PEAK1: variants seen among roughly 807,000 people sequenced by gnomAD.
The protein encoded by PEAK1 is inactive tyrosine-protein kinase PEAK1.
In PEAK1, 54 loss-of-function variants were observed where a neutral mutation model predicts 124.7. The observed-to-expected ratio is 0.43, with a 90% CI of 0.35 to 0.54. PEAK1 has a LOEUF of 0.54. PEAK1 is among the 20% of genes least tolerant of loss of function. The pLI is 0.01. For synonymous variants in PEAK1, 719 were observed against 760.0 expected, an observed-to-expected ratio of 0.95 and a Z score of 0.89; for missense variants, 2,046 against 2,134.5, an observed-to-expected ratio of 0.96 and a Z score of 0.82.
intron 2 of PEAK1, among the ~76,000 whole-genome samples, chr15:77,325,835 GA>G (rs2065539292): frequency 6.6e-6 from 1 of 151,968 alleles, no homozygotes; most frequent in Non-Finnish European, 1.5e-5. Context: ...TCTTTGATAT[GA>G]ATTTAGGTCA....
rs148863119 is a variant in PEAK1 at position 77,154,243 on chromosome 15, C to T, written c.3331+4260G>A. On this transcript the variant is annotated intron_variant, in intron 8 of 9. Transcript: ENST00000682557. ...TGATCCCTTTACCATTATGTAATGG[C>T]CTTCTTTGTCTCTTTTAATCTTTGT... Among the ~76,000 whole-genome samples the T allele has an allele frequency of 9.5e-4, 144 of 152,290 alleles. 1 individual carries two copies. Among genetic ancestry groups the T allele is most frequent in the African/African-American group, 3.4e-3 (141 of 41,554 alleles).
chr15:77,114,428 A>T lies in PEAK1; in HGVS notation c.4969T>A (p.Ser1657Thr). The T allele has an allele frequency of 6.2e-7, 1 of 1,614,176 alleles. No homozygotes were observed. The highest frequency in any genetic ancestry group is 1.7e-5 in the Admixed American group (1 of 60,030). Residue 1657 changes from serine to threonine, a missense_variant, in exon 10 of 10, where the codon TCA (serine) becomes ACA (threonine). Coordinates refer to ENST00000682557, the MANE Select transcript of PEAK1 (RefSeq NM_001385026.1). ...CACTGGAGGATGCCTTTGGCGTCTG[A>T]AATGAGGATCCGCTCAGAAGGGTTG... ...NPNPSERILI[S>T]DAKGILQCLL... is the part of the protein sequence containing the mutation.
chr15:77,132,088 CT>C lies in PEAK1; in HGVS notation c.4077+916del, dbSNP rs145157241. The stretch of plus-strand genomic sequence containing the variant: ...AAAAGCAAAGCTCAAGGGTTACCTA[CT>C]TTTTTTTTTGAGACAGGGTCTCACT... On this transcript the variant is annotated intron_variant, in intron 9 of 9. Transcript: ENST00000682557. Among the ~76,000 whole-genome samples the C allele has an allele frequency of 2.6e-3, 381 of 148,704 alleles. 2 individuals carry two copies. Among genetic ancestry groups the C allele is most frequent in the African/African-American group, 8.3e-3 (340 of 40,780 alleles).
At chr15:77,207,420 AAACTTGAAGTAAGGAAAGTG>A (rs1175358335) in intron 6 of PEAK1, among the ~76,000 whole-genome samples, 2 of 152,232 alleles carry the variant, frequency 1.3e-5, no homozygotes, top group Non-Finnish European at 2.9e-5. Context: ...ATAATTGCTA[AAACTTGAAGTAAGGAAAGTG>A]AATGGACAAA....
chr15:77,330,465 A>G (rs192907054), intron 2 of PEAK1, among the ~76,000 whole-genome samples: 1 of 148,772 alleles, frequency 6.7e-6, no homozygotes, highest in East Asian at 2.0e-4. Context: ...CATCTCATCA[A>G]TGTGTGAGTC....
At chr15:77,311,072 T>C (rs2064409079) in intron 2 of PEAK1, among the ~76,000 whole-genome samples, 1 of 152,180 alleles carries the variant, frequency 6.6e-6, no homozygotes, top group Admixed American at 6.5e-5. Context: ...GGTTAAAGAA[T>C]AGATTTCACA....
chr15:77,313,489 G>A (rs2064607128), intron 2 of PEAK1, among the ~76,000 whole-genome samples: 1 of 151,686 alleles, frequency 6.6e-6, no homozygotes, highest in African/African-American at 2.4e-5. Context: ...ATTTTGAGAT[G>A]GAGTTTCACT....
At chr15:77,410,587 A>C (rs1344554850) in intron 1 of PEAK1, among the ~76,000 whole-genome samples, 1 of 152,230 alleles carries the variant, frequency 6.6e-6, no homozygotes, top group East Asian at 1.9e-4. Context: ...TCATGTCTTA[A>C]ATTTTATAAG....
chr15:77,211,845 TCTC>T (rs2058922124), intron 6 of PEAK1, among the ~76,000 whole-genome samples: 1 of 95,408 alleles, frequency 1.0e-5, no homozygotes, highest in Non-Finnish European at 2.0e-5. Flanking sequence ...CGAAACTCCA[TCTC>T]AAAAAAAAAA....
chr15:77,154,970 T>C (rs1324704900), intron 8 of PEAK1, among the ~76,000 whole-genome samples: 1 of 152,116 alleles, frequency 6.6e-6, no homozygotes. Context: ...TGTCTTGGAG[T>C]TGCTCTTCTC....
At chr15:77,176,561 G>C (rs558120411) in intron 7 of PEAK1, among the ~76,000 whole-genome samples, 20 of 152,326 alleles carry the variant, frequency 1.3e-4, no homozygotes, top group African/African-American at 4.8e-4. Flanking sequence ...GATGATTCTG[G>C]AACATGGTTA....
rs776230953 is a variant in PEAK1, at chr15:77,179,461, T to A, written c.2466A>T (p.Thr822=). The change falls in exon 7 of 10, where the codon ACA becomes ACT. Residue 822 remains threonine (T), a synonymous_variant. Transcript: ENST00000682557. ...CTTCAGCCTCACCACTAGGCTGAGA[T>A]GTAAAGAGAGATTTGGGCCGGACTG... is the stretch of plus-strand genomic sequence containing the variant. ...STPVRPKSLF[T]SQPSGEAEAP... The A allele has an allele frequency of 2.5e-6, 4 of 1,614,038 alleles. No homozygotes were observed. The South Asian group carries it at 4.4e-5, about 18-fold the overall frequency.
At chr15:77,340,360 T>A (rs1396227430) in intron 2 of PEAK1, among the ~76,000 whole-genome samples, 3 of 152,184 alleles carry the variant, frequency 2.0e-5, no homozygotes, top group Non-Finnish European at 4.4e-5. Context: ...AAAGAAGCCA[T>A]CTGAAGAGAC....
chr15:77,408,176 CA>C lies in PEAK1; in HGVS notation c.-666+11829del, dbSNP rs1567365552. On this transcript the variant is annotated intron_variant, in intron 1 of 9. Transcript: ENST00000682557. Reference sequence around the variant, plus strand: ...ACATACACACACACACACACACACACACACACACACACCCTGGAATACTACT... The same window carrying C: ...ACATACACACACACACACACACACACCACACACACACCCTGGAATACTACT... Among the ~76,000 whole-genome samples, 776 of 151,672 alleles carry C rather than the reference CA, an allele frequency of 5.1e-3. 5 individuals carry two copies. The highest frequency in any genetic ancestry group is 0.016 in the African/African-American group (669 of 41,330).
At chr15:77,217,662 A>C (rs2059208704) in intron 6 of PEAK1, among the ~76,000 whole-genome samples, 1 of 152,186 alleles carries the variant, frequency 6.6e-6, no homozygotes, top group Admixed American at 6.6e-5. Context: ...TATTCAGTTA[A>C]TAATGTAAAA....
intron 2 of PEAK1, among the ~76,000 whole-genome samples, chr15:77,308,293 G>C (rs942409993): frequency 1.3e-5 from 2 of 152,070 alleles, no homozygotes; most frequent in Non-Finnish European, 2.9e-5. Context: ...TTAGTTTACA[G>C]AGTTGCTATA....
chr15:77,239,735 A>G (rs569138472), intron 6 of PEAK1: 2 of 629,956 alleles, frequency 3.2e-6, no homozygotes, highest in African/African-American at 4.0e-5. Flanking sequence ...TTACAAACTG[A>G]GCAAGATTAT....
intron 2 of PEAK1, among the ~76,000 whole-genome samples, chr15:77,324,458 G>T (rs1237225914): frequency 2.0e-5 from 3 of 152,154 alleles, no homozygotes; most frequent in Non-Finnish European, 4.4e-5. Context: ...GACAGAGTGA[G>T]ACTCTGTCCC....
chr15:77,318,122 ATAGT>A (rs1271977500), intron 2 of PEAK1, among the ~76,000 whole-genome samples: 1 of 151,826 alleles, frequency 6.6e-6, no homozygotes, highest in Non-Finnish European at 1.5e-5. Flanking sequence ...GACTATTTTG[ATAGT>A]TAGACAAATC....
Sources: gnomAD v4.1 joint callset for allele counts (sites outside exome capture counted in the v4.1 genomes callset) on GRCh38, gnomAD v4.1.1 for gene constraint, MANE v1.5 for transcripts, NCBI Gene and HGNC (gene_info 2026-07-23, HGNC 2026-07-21) for gene names.